The following SYT1 variants were observed in gnomAD, a reference collection of about 807,000 sequenced individuals.
SYT1 encodes synaptotagmin-1.
In SYT1, 8 loss-of-function variants were observed where a neutral mutation model predicts 44.8. That is an observed-to-expected ratio of 0.18 (90% confidence interval 0.10 to 0.32). The LOEUF is 0.32. Ranked by LOEUF, SYT1 falls within the 10% of genes least tolerant of loss-of-function variation. The pLI is 1.00. For synonymous variants in SYT1, 154 were observed against 188.8 expected (o/e 0.82, Z 1.51); for missense variants, 286 against 509.3 (o/e 0.56, Z 4.22).
intron 9 of SYT1, among the ~76,000 whole-genome samples, chr12:79,368,993 T>C (rs2136044197): frequency 6.6e-6 from 1 of 152,316 alleles, no homozygotes; most frequent in South Asian, 2.1e-4. Flanking sequence ...TCCTGAATGG[T>C]AATGAGATGA....
At chr12:78,938,676 C>G (rs552110965) in intron 1 of SYT1, among the ~76,000 whole-genome samples, 3 of 152,280 alleles carry the variant, frequency 2.0e-5, no homozygotes, top group South Asian at 4.1e-4. Flanking sequence ...TGTGACTCAT[C>G]ATTCATGATT....
rs57279353 is a variant in SYT1 at position 79,245,400 on chromosome 12, G to T, written c.166+27715G>T. Among the ~76,000 whole-genome samples, 349 of 149,418 alleles carry T rather than the reference G, an allele frequency of 2.3e-3. 3 individuals are homozygous for T. Among genetic ancestry groups the T allele is most frequent in the African/African-American group, 8.4e-3 (340 of 40,612 alleles). ...TGAGGCAGGAGAATGGCGAGAACCCGGGAAGCGGAGCTGCAATGAGCCCAG... is the reference window on the plus strand; with the variant it reads ...TGAGGCAGGAGAATGGCGAGAACCCTGGAAGCGGAGCTGCAATGAGCCCAG... On this transcript the variant is annotated intron_variant, in intron 4 of 10. Coordinates refer to ENST00000261205, the MANE Select transcript of SYT1 (RefSeq NM_005639.3).
chr12:79,117,749 C>G (rs1170774259), intron 3 of SYT1, among the ~76,000 whole-genome samples: 1 of 124,928 alleles, frequency 8.0e-6, no homozygotes, highest in African/African-American at 3.0e-5. Flanking sequence ...GATTTTCAAA[C>G]CAATCATTAA....
At chr12:79,218,319 A>G (rs1282222261) in intron 4 of SYT1, among the ~76,000 whole-genome samples, 7 of 152,218 alleles carry the variant, frequency 4.6e-5, no homozygotes, top group African/African-American at 1.4e-4. Context: ...TATTCCAGAA[A>G]AATGTTGAGA....
At chr12:79,064,220 C>CAGGGAAGAAAAGACTGAAGGAGAA (rs1875596928) in intron 3 of SYT1, among the ~76,000 whole-genome samples, 2 of 151,586 alleles carry the variant, frequency 1.3e-5, no homozygotes, top group East Asian at 1.9e-4. Flanking sequence ...ATGAGAGAGA[C>CAGGGAAGAAAAGACTGAAGGAGAA]AGGGAAGAAA....
intron 4 of SYT1, among the ~76,000 whole-genome samples, chr12:79,229,696 C>A (rs1875748032): frequency 6.6e-6 from 1 of 151,900 alleles, no homozygotes; most frequent in Non-Finnish European, 1.5e-5. Context: ...CGGGTTCAAG[C>A]GATTCTCCTG....
intron 3 of SYT1, among the ~76,000 whole-genome samples, chr12:79,099,806 T>C (rs995236712): frequency 7.9e-5 from 12 of 152,136 alleles, no homozygotes; most frequent in African/African-American, 2.9e-4. Flanking sequence ...CTGGATTCAA[T>C]TGGAGATTAA....
chr12:78,980,610 A>G (rs908942202), intron 2 of SYT1, among the ~76,000 whole-genome samples: 1 of 152,196 alleles, frequency 6.6e-6, no homozygotes, highest in African/African-American at 2.4e-5. Flanking sequence ...TTTCAAATAT[A>G]AAGAATGCTA....
chr12:79,366,249 T>C (rs760063569), intron 9 of SYT1, among the ~76,000 whole-genome samples: 1 of 152,234 alleles, frequency 6.6e-6, no homozygotes, highest in Non-Finnish European at 1.5e-5. Context: ...CTGAAAGATA[T>C]GTTAGTGTTT....
At chr12:79,036,906 C>T (rs1873170755) in intron 2 of SYT1, among the ~76,000 whole-genome samples, 2 of 149,406 alleles carry the variant, frequency 1.3e-5, no homozygotes, top group Non-Finnish European at 3.0e-5. Context: ...ACTTCTCCCA[C>T]TCTCTCATTT....
At chr12:78,952,631 T>C (rs1056101449) in intron 1 of SYT1, among the ~76,000 whole-genome samples, 5 of 152,138 alleles carry the variant, frequency 3.3e-5, no homozygotes, top group African/African-American at 7.2e-5. Context: ...TACAGTTTTG[T>C]CATGTTTTAG....
At chr12:79,024,138 TC>T (rs1872371804) in intron 2 of SYT1, among the ~76,000 whole-genome samples, 1 of 151,752 alleles carries the variant, frequency 6.6e-6, no homozygotes, top group Admixed American at 6.6e-5. Flanking sequence ...GGGTTCTAAC[TC>T]AGTCTTGAGT....
intron 1 of SYT1, among the ~76,000 whole-genome samples, chr12:78,894,142 A>G (rs1352964825): frequency 6.6e-6 from 1 of 151,032 alleles, no homozygotes; most frequent in Non-Finnish European, 1.5e-5. Context: ...CCACTCCTAC[A>G]TTCTTTTTCT....
intron 4 of SYT1, among the ~76,000 whole-genome samples, chr12:79,249,361 C>T (rs983930790): frequency 1.3e-4 from 19 of 151,928 alleles, no homozygotes; most frequent in African/African-American, 4.6e-4. Context: ...GCCTCGGCCT[C>T]CCAAAGTGCT....
At chr12:78,869,805 T>C (rs1873726450) in intron 1 of SYT1, among the ~76,000 whole-genome samples, 2 of 152,214 alleles carry the variant, frequency 1.3e-5, no homozygotes, top group South Asian at 4.1e-4. Context: ...TTCTGATTGC[T>C]GATTTCCATA....
At chr12:79,440,338 C>T (rs1047454335) in intron 9 of SYT1, among the ~76,000 whole-genome samples, 2 of 152,122 alleles carry the variant, frequency 1.3e-5, no homozygotes, top group Non-Finnish European at 2.9e-5. Context: ...ACATTGAAGA[C>T]GGGGTGTCAG....
intron 2 of SYT1, among the ~76,000 whole-genome samples, chr12:78,987,153 T>C (rs1869698618): frequency 6.6e-6 from 1 of 152,062 alleles, no homozygotes; most frequent in Admixed American, 6.6e-5. Context: ...AAGCAGTCTT[T>C]GACAAACACC....
At chr12:79,140,635 G>A (rs905493924) in intron 3 of SYT1, among the ~76,000 whole-genome samples, 1 of 152,134 alleles carries the variant, frequency 6.6e-6, no homozygotes, top group African/African-American at 2.4e-5. Context: ...ATGCTTATCA[G>A]CACCTCATTG....
chr12:79,350,285 C>T (rs1212113111), intron 8 of SYT1, among the ~76,000 whole-genome samples: 1 of 143,128 alleles, frequency 7.0e-6, no homozygotes, highest in African/African-American at 2.7e-5. Context: ...CGGAGTCTCG[C>T]TCTGTCGCCC....
Sources: allele counts gnomAD v4.1 joint callset (sites outside exome capture counted in the v4.1 genomes callset), GRCh38; gene constraint gnomAD v4.1.1; transcripts MANE v1.5; gene names NCBI Gene and HGNC (gene_info 2026-07-23, HGNC 2026-07-21).